The following EXOC8 variants were observed in gnomAD, a reference collection of about 807,000 sequenced individuals.
The protein encoded by EXOC8 is exocyst complex 84 kDa subunit.
Under a neutral mutation model 50.8 loss-of-function variants are expected in EXOC8, and 19 were observed. The observed-to-expected ratio is 0.37, with a 90% CI of 0.26 to 0.55. The LOEUF is 0.55. EXOC8 is among the 20% of genes least tolerant of loss of function. The pLI, the probability that EXOC8 is intolerant of heterozygous loss-of-function variation, is 0.80. For synonymous variants in EXOC8, 384 were observed against 367.9 expected (o/e 1.04, Z -0.50); for missense variants, 781 against 915.8 (o/e 0.85, Z 1.90).
At position 231,336,675 on chromosome 1, in the gene EXOC8, A is replaced by G. The variant is rs2102855386; in HGVS notation, c.1071T>C (p.Val357=). The change falls in exon 1 of 1, where the codon GTT becomes GTC. Residue 357 remains valine, a synonymous_variant. Coordinates refer to ENST00000366645, the MANE Select transcript of EXOC8 (RefSeq NM_175876.5). The surrounding 1 kb of genome is among the most constrained non-coding windows in gnomAD (Gnocchi z 5.4). The part of the protein sequence containing the change: ...CIAQRDFEGA[V]DLLDKLNHYL... Reference sequence around the variant, plus strand: ...AATGGTTCAATTTATCCAGCAGGTCAACCGCCCCTTCAAAGTCTCTCTGCG... The same window carrying G: ...AATGGTTCAATTTATCCAGCAGGTCGACCGCCCCTTCAAAGTCTCTCTGCG... 1 of 1,614,198 alleles carries G rather than the reference A, an allele frequency of 6.2e-7. No individual in the cohort carries two copies. Among genetic ancestry groups the G allele is most frequent in the East Asian group, 2.2e-5 (1 of 44,890 alleles).
rs1686695397 is a variant in EXOC8 at position 231,337,026 on chromosome 1, A to G, written c.720T>C (p.Asn240=). The change falls in exon 1 of 1, where the codon AAT becomes AAC. Residue 240 remains asparagine (N), a synonymous_variant. Coordinates refer to ENST00000366645, the MANE Select transcript of EXOC8 (RefSeq NM_175876.5). The surrounding 1 kb of genome is among the most constrained non-coding windows in gnomAD (Gnocchi z 5.9). ...CCTTCATGGGCGGGTTGTCCTTGAC[A>G]TTGACTACGGCCAAACCATCTAGGG... The part of the protein sequence containing the change: ...LYSLDGLAVV[N]VKDNPPMKDM... The G allele has an allele frequency of 6.2e-7, 1 of 1,614,084 alleles. No individual in the cohort carries two copies. The highest frequency in any genetic ancestry group is 8.5e-7 in the Non-Finnish European group (1 of 1,180,024).
At position 231,335,484 on chromosome 1, in the gene EXOC8, A is replaced by C; in HGVS notation, c.*84T>G. ...TTTCAAGTTGTGTTTGAAACTATAGAGTATGCTAATACAACTTAATATAAA... is the reference window on the plus strand; with the variant it reads ...TTTCAAGTTGTGTTTGAAACTATAGCGTATGCTAATACAACTTAATATAAA... On this transcript the variant is annotated 3_prime_UTR_variant, in exon 1 of 1. Coordinates refer to ENST00000366645, the MANE Select transcript of EXOC8 (RefSeq NM_175876.5). 1 of 1,200,836 alleles carries C rather than the reference A, an allele frequency of 8.3e-7. No homozygotes were observed. Among genetic ancestry groups the C allele is most frequent in the South Asian group, 2.9e-5 (1 of 34,572 alleles). The allele number at this position is 1,200,836 out of a possible 1,614,324, so 74.4% of individuals were successfully genotyped here.
At position 231,336,047 on chromosome 1, in the gene EXOC8, T is replaced by G. The variant is rs1686665835; in HGVS notation, c.1699A>C (p.Lys567Gln). The change falls in exon 1 of 1, where the codon AAA (lysine) becomes CAA (glutamine). Residue 567 changes from lysine (K) to glutamine (Q), a missense_variant. By Grantham distance (53) the Lys-to-Gln change is moderately conservative (BLOSUM62 1). Around this residue, in one of 3 missense-constraint regions of EXOC8, gnomAD observed 700 missense variants for 804.1 expected, o/e 0.87. Transcript: ENST00000366645. This position sits in a 1 kb window ranked among gnomAD's most constrained non-coding sequence, Gnocchi z 5.4. ...CACATCTCTTCAGAGTTGCGATGTT[T>G]AGTGGCTTCAATGATGATTTCTTTG... ...SYKEIIIEATKHRNSEEMWRR... is the reference protein window; with the variant it reads ...SYKEIIIEATQHRNSEEMWRR... 3 of 1,614,230 alleles carry G rather than the reference T, an allele frequency of 1.9e-6. No homozygotes were observed. The highest frequency in any genetic ancestry group is 2.5e-6 in the Non-Finnish European group (3 of 1,180,048).
rs1355253111 is a variant in EXOC8 at position 231,334,612 on chromosome 1, G to C, written c.*956C>G. 1 of 152,194 alleles carries C rather than the reference G, an allele frequency of 6.6e-6. No individual in the cohort carries two copies. The highest frequency in any genetic ancestry group is 1.9e-4 in the East Asian group (1 of 5,202). 9.4% of individuals were successfully genotyped at this position (152,194 alleles called of 1,614,324 possible). A position where few individuals can be genotyped will look rare whatever the true frequency, so the allele number is the denominator to read the frequency against. ...AAATATGTTGAAAACTTTTATTATA[G>C]TCCTTAGGATTTCCAAGTAAATGCT... On this transcript the variant is annotated 3_prime_UTR_variant, in exon 1 of 1. Transcript: ENST00000366645.
rs988905237 is a variant in EXOC8 at position 231,333,984 on chromosome 1, G to A, written c.*1584C>T. ...GGACAAGAATCACAACTAGAAGCTA[G>A]AGACAAAATGGATCACAGCAAGCAC... On this transcript the variant is annotated 3_prime_UTR_variant, in exon 1 of 1. Coordinates refer to ENST00000366645, the MANE Select transcript of EXOC8 (RefSeq NM_175876.5). The A allele has an allele frequency of 1.3e-5, 2 of 152,170 alleles. No individual in the cohort carries two copies. The highest frequency in any genetic ancestry group is 2.9e-5 in the Non-Finnish European group (2 of 68,040). 9.4% of individuals were successfully genotyped at this position (152,170 alleles called of 1,614,324 possible).
chr1:231,337,054 T>A lies in EXOC8; in HGVS notation c.692A>T (p.Tyr231Phe). ...GACTACGGCCAAACCATCTAGGGAATAGAGAGCGTTGTAGCGATACATCCC... is the reference window on the plus strand; with the variant it reads ...GACTACGGCCAAACCATCTAGGGAAAAGAGAGCGTTGTAGCGATACATCCC... Reference protein sequence around the residue: ...RRGMYRYNALYSLDGLAVVNV... With the variant: ...RRGMYRYNALFSLDGLAVVNV... Residue 231 changes from tyrosine (Y) to phenylalanine (F), a missense_variant, in exon 1 of 1, where the codon TAT (tyrosine) becomes TTT (phenylalanine). By Grantham distance (22) the Tyr-to-Phe change is conservative. Around this residue, in one of 3 missense-constraint regions of EXOC8, gnomAD observed 700 missense variants for 804.1 expected, o/e 0.87. Transcript: ENST00000366645. This position sits in a 1 kb window ranked among gnomAD's most constrained non-coding sequence, Gnocchi z 5.9. The A allele has an allele frequency of 6.2e-7, 1 of 1,613,988 alleles. No individual in the cohort carries two copies. The highest frequency in any genetic ancestry group is 8.5e-7 in the Non-Finnish European group (1 of 1,180,014).
At position 231,335,655 on chromosome 1, in the gene EXOC8, C is replaced by CA; in HGVS notation, c.2090dup (p.Lys699GlufsTer14). 1 of 1,614,162 alleles carries CA rather than the reference C, an allele frequency of 6.2e-7. No homozygotes were observed. Among genetic ancestry groups the CA allele is most frequent in the Non-Finnish European group, 8.5e-7 (1 of 1,180,038 alleles). On this transcript the variant is annotated frameshift_variant, in exon 1 of 1. Coordinates refer to ENST00000366645, the MANE Select transcript of EXOC8 (RefSeq NM_175876.5). LOFTEE classifies it high-confidence loss of function. ...CTTGGAGTTGCTTGGCAGGTTTCCC[C>CA]ACACCTTCTTCAAACCTTTTCTCCA...
Position 231,334,189 on chromosome 1 carries a change from A to T in EXOC8, c.*1379T>A, listed in dbSNP as rs916898372. ...AAATGAAACAAAAATGCAGCATGGA[A>T]CATTTTAGGAGTCACAGAAGGTTCT... On this transcript the variant is annotated 3_prime_UTR_variant, in exon 1 of 1. Transcript: ENST00000366645. The T allele has an allele frequency of 6.6e-6, 1 of 152,212 alleles. No homozygotes were observed. Among genetic ancestry groups the T allele is most frequent in the African/African-American group, 2.4e-5 (1 of 41,452 alleles). 9.4% of individuals were successfully genotyped at this position (152,212 alleles called of 1,614,324 possible).
rs140965565 is a variant in EXOC8, at chr1:231,336,394, G to A, written c.1352C>T (p.Ala451Val). ...TAIRQLRIEGATLLYIHKLCH... is the reference protein window; with the variant it reads ...TAIRQLRIEGVTLLYIHKLCH... The stretch of plus-strand genomic sequence containing the variant: ...CAGCTTATGAATATAGAGTAAAGTG[G>A]CACCTTCGATGCGAAGCTGACGAAT... Residue 451 changes from alanine to valine, a missense_variant, in exon 1 of 1, where the codon GCC (alanine) becomes GTC (valine). Ala to Val is a moderately conservative substitution (Grantham distance 64). This residue lies in a region of EXOC8 where 700 missense variants were observed against 804.1 expected (regional missense o/e 0.87). Transcript: ENST00000366645. This position sits in a 1 kb window ranked among gnomAD's most constrained non-coding sequence, Gnocchi z 5.4. 9.2e-5 allele frequency: 148 copies of A among 1,614,020 alleles called. No homozygotes were observed. In the African/African-American group the frequency reaches 1.1e-3, roughly 12 times the overall value.
rs139199703 is a variant in EXOC8 at position 231,335,787 on chromosome 1, A to G, written c.1959T>C (p.Val653=). The change falls in exon 1 of 1, where the codon GTT becomes GTC. Residue 653 remains valine, a synonymous_variant. Coordinates refer to ENST00000366645, the MANE Select transcript of EXOC8 (RefSeq NM_175876.5). ...GACTATAATCCACATGCTGAACAGC[A>G]ACCAAAATGATTTCCACCAGGCTCT... ...LLESLVEIIL[V]AVQHVDYSLR... The G allele has an allele frequency of 3.1e-6, 5 of 1,614,182 alleles. No individual in the cohort carries two copies. Among genetic ancestry groups the G allele is most frequent in the Non-Finnish European group, 4.2e-6 (5 of 1,180,024 alleles).
rs747852523 is a variant in EXOC8 at position 231,335,556 on chromosome 1, C to T, written c.*12G>A. ...CTCTCTGCATATATACACATATAAA[C>T]AGACCCAAGCATTAGACCACTGATG... On this transcript the variant is annotated 3_prime_UTR_variant, in exon 1 of 1. Transcript: ENST00000366645. 1.9e-6 allele frequency: 3 copies of T among 1,587,244 alleles called. No individual in the cohort carries two copies. The highest frequency in any genetic ancestry group is 1.2e-5 in the South Asian group (1 of 85,854).
In EXOC8 at chr1:231,337,321, G is replaced by A; in HGVS notation, c.425C>T (p.Thr142Ile). The A allele has an allele frequency of 3.7e-6, 6 of 1,603,150 alleles. No homozygotes were observed. The highest frequency in any genetic ancestry group is 1.1e-5 in the South Asian group (1 of 91,084). ...HLRGQAGFFSTPGGASRDGSG... is the reference protein window; with the variant it reads ...HLRGQAGFFSIPGGASRDGSG... The stretch of plus-strand genomic sequence containing the variant: ...GCCGTCGCGGGAGGCACCCCCGGGG[G>A]TGGAGAAAAAGCCGGCCTGGCCTCG... The change falls in exon 1 of 1, where the codon ACC becomes ATC. Residue 142 changes from threonine (T) to isoleucine (I), a missense_variant. Transcript: ENST00000366645. The surrounding 1 kb of genome is among the most constrained non-coding windows in gnomAD (Gnocchi z 5.9).
Position 231,332,855 on chromosome 1 carries a change from A to G in EXOC8, c.*2713T>C, listed in dbSNP as rs1354028147. ...AGTATGTACATAGACTGACTTTTAT[A>G]GTACATGTCATGTCCCAAATTCCCA... On this transcript the variant is annotated 3_prime_UTR_variant, in exon 1 of 1. Coordinates refer to ENST00000366645, the MANE Select transcript of EXOC8 (RefSeq NM_175876.5). The G allele has an allele frequency of 6.6e-6, 1 of 152,220 alleles. No individual in the cohort carries two copies. The highest frequency in any genetic ancestry group is 1.5e-5 in the Non-Finnish European group (1 of 68,028). The allele number at this position is 152,220 out of a possible 1,614,324, so 9.4% of individuals were successfully genotyped here.
Position 231,337,141 on chromosome 1 carries a change from C to G in EXOC8, c.605G>C (p.Arg202Pro), listed in dbSNP as rs1571984849. The change falls in exon 1 of 1, where the codon CGG becomes CCG. Residue 202 changes from arginine to proline, a missense_variant. Arg to Pro is a moderately radical substitution (Grantham distance 103). Transcript: ENST00000366645. The surrounding 1 kb of genome is among the most constrained non-coding windows in gnomAD (Gnocchi z 5.9). Reference protein sequence around the residue: ...YDADHMAQLQRVHGFLMNDCL... With the variant: ...YDADHMAQLQPVHGFLMNDCL... ...ATCGTTCATGAGAAAGCCGTGCACC[C>G]GCTGCAGTTGGGCCATGTGGTCCGC... is the stretch of plus-strand genomic sequence containing the variant. The G allele has an allele frequency of 6.2e-7, 1 of 1,614,124 alleles. No homozygotes were observed. Among genetic ancestry groups the G allele is most frequent in the Non-Finnish European group, 8.5e-7 (1 of 1,180,034 alleles).
rs1038175141 is a variant in EXOC8 at position 231,335,909 on chromosome 1, G to A, written c.1837C>T (p.Leu613=). 5.0e-6 allele frequency: 8 copies of A among 1,614,018 alleles called. No individual in the cohort carries two copies. The Admixed American group carries it at 5.0e-5, about 10-fold the overall frequency. ...QYTGDDCWVN[L]SYTVVAFTKQ... ...GTGAAAGCAACCACTGTGTAACTTA[G>A]GTTCACCCAGCAGTCATCCCCTGTG... is the stretch of plus-strand genomic sequence containing the variant. Residue 613 remains leucine (L), a synonymous_variant, in exon 1 of 1, where the codon CTA becomes TTA. Transcript: ENST00000366645.
At position 231,332,886 on chromosome 1, in the gene EXOC8, AG is replaced by A. The variant is rs1686594763; in HGVS notation, c.*2681del. The A allele has an allele frequency of 6.6e-6, 1 of 152,212 alleles. No individual in the cohort carries two copies. Among genetic ancestry groups the A allele is most frequent in the Non-Finnish European group, 1.5e-5 (1 of 68,034 alleles). The allele number at this position is 152,212 out of a possible 1,614,324, so 9.4% of individuals were successfully genotyped here. On this transcript the variant is annotated 3_prime_UTR_variant, in exon 1 of 1. Coordinates refer to ENST00000366645, the MANE Select transcript of EXOC8 (RefSeq NM_175876.5). ...TGTCATGTCCCAAATTCCCAATCCT[AG>A]GTAAGATATCAAGTTACAAAATACA...
rs1218093281 is a variant in EXOC8, at chr1:231,336,341, C to T, written c.1405G>A (p.Glu469Lys). The T allele has an allele frequency of 3.7e-6, 6 of 1,614,018 alleles. No individual in the cohort carries two copies. Among genetic ancestry groups the T allele is most frequent in the Non-Finnish European group, 5.1e-6 (6 of 1,180,002 alleles). Residue 469 changes from glutamate (E) to lysine (K), a missense_variant, in exon 1 of 1, where the codon GAG (glutamate) becomes AAG (lysine). Glu to Lys is a moderately conservative substitution (Grantham distance 56, BLOSUM62 1). This residue lies in a region of EXOC8 where 700 missense variants were observed against 804.1 expected (regional missense o/e 0.87). Transcript: ENST00000366645. The surrounding 1 kb of genome is among the most constrained non-coding windows in gnomAD (Gnocchi z 5.4). ...LCHVFFTSLL[E>K]TAREFEIDFA... ...TCGATCTCAAATTCTCTTGCAGTCT[C>T]GAGAAGGCTGGTAAAGAAGACATGG...
At position 231,335,481 on chromosome 1, in the gene EXOC8, T is replaced by C. The variant is rs1686644956; in HGVS notation, c.*87A>G. 4 of 1,185,656 alleles carry C rather than the reference T, an allele frequency of 3.4e-6. No individual in the cohort carries two copies. The highest frequency in any genetic ancestry group is 4.4e-6 in the Non-Finnish European group (4 of 912,612). The allele number at this position is 1,185,656 out of a possible 1,614,324, so 73.4% of individuals were successfully genotyped here. ...AATTTTCAAGTTGTGTTTGAAACTA[T>C]AGAGTATGCTAATACAACTTAATAT... On this transcript the variant is annotated 3_prime_UTR_variant, in exon 1 of 1. Coordinates refer to ENST00000366645, the MANE Select transcript of EXOC8 (RefSeq NM_175876.5).
In EXOC8 at chr1:231,337,296, G is replaced by A; in HGVS notation, c.450C>T (p.Gly150=). 6.2e-7 allele frequency: 1 copy of A among 1,604,546 alleles called. No individual in the cohort carries two copies. The highest frequency in any genetic ancestry group is 8.5e-7 in the Non-Finnish European group (1 of 1,179,966). The change falls in exon 1 of 1, where the codon GGC becomes GGT. Residue 150 remains glycine (G), a synonymous_variant. Transcript: ENST00000366645. This position sits in a 1 kb window ranked among gnomAD's most constrained non-coding sequence, Gnocchi z 5.9. The part of the protein sequence containing the change: ...FSTPGGASRD[G]SGPGEEGKQR... ...GCTTTCCTTCCTCGCCTGGACCGGAGCCGTCGCGGGAGGCACCCCCGGGGG... is the reference window on the plus strand; with the variant it reads ...GCTTTCCTTCCTCGCCTGGACCGGAACCGTCGCGGGAGGCACCCCCGGGGG...
Sources: gnomAD v4.1 joint callset for allele counts on GRCh38, gnomAD v4.1.1 for gene constraint, gnomAD v4.1.1 regional missense constraint, Gnocchi (gnomAD v3.1) non-coding constraint, MANE v1.5 for transcripts, NCBI Gene and HGNC (gene_info 2026-07-23, HGNC 2026-07-21) for gene names.